The following SGMS1 variants were observed in gnomAD, a reference collection of about 807,000 sequenced individuals.
SGMS1 encodes the protein phosphatidylcholine:ceramide cholinephosphotransferase 1.
Under a neutral mutation model 46.2 loss-of-function variants are expected in SGMS1, and 13 were observed. The observed-to-expected ratio is 0.28, with a 90% CI of 0.18 to 0.45. SGMS1 has a LOEUF of 0.45. Among genes scored for constraint, SGMS1 ranks in the 20% least tolerant of loss-of-function variants. The probability of loss-of-function intolerance (pLI) is 1.00; values close to 1 mark genes in which losing one functional copy is unlikely to be tolerated. For synonymous variants in SGMS1, 203 were observed against 187.8 expected, an observed-to-expected ratio of 1.08 and a Z score of -0.66; for missense variants, 324 against 519.9, an observed-to-expected ratio of 0.62 and a Z score of 3.66.
chr10:50,623,812 C>G lies in SGMS1; in HGVS notation c.-789G>C. 2 of 985,436 alleles carry G rather than the reference C, an allele frequency of 2.0e-6. No homozygotes were observed. Among genetic ancestry groups the G allele is most frequent in the Non-Finnish European group, 2.4e-6 (2 of 829,950 alleles). The allele number at this position is 985,436 out of a possible 1,614,324, so 61.0% of individuals were successfully genotyped here. On this transcript the variant is annotated 5_prime_UTR_variant, in exon 1 of 11. Transcript: ENST00000361781. ...CGGGGCTCCGCACCCCAATCGCGCT[C>G]TCCGACCGGCTCCCTAGGCGCGAGG...
intron 3 of SGMS1, among the ~76,000 whole-genome samples, chr10:50,469,706 C>G (rs1237162758): frequency 6.6e-6 from 1 of 152,098 alleles, no homozygotes; most frequent in Non-Finnish European, 1.5e-5. Context: ...GAATAAGGTA[C>G]TCTTCCCCTA....
intron 2 of SGMS1, among the ~76,000 whole-genome samples, chr10:50,583,785 A>G (rs1838456321): frequency 6.6e-6 from 1 of 152,192 alleles, no homozygotes. Context: ...TGTTCTATCA[A>G]CTAAATTTAC....
chr10:50,408,354 A>G (rs1023933084), intron 6 of SGMS1, among the ~76,000 whole-genome samples: 2 of 151,028 alleles, frequency 1.3e-5, no homozygotes, highest in African/African-American at 2.4e-5. Context: ...TGTAATCCCA[A>G]TACTCTGGGA....
intron 2 of SGMS1, among the ~76,000 whole-genome samples, chr10:50,520,815 A>G (rs1837851182): frequency 6.6e-6 from 1 of 152,232 alleles, no homozygotes; most frequent in African/African-American, 2.4e-5. Context: ...ACACAAAGGT[A>G]GTTAAGAAAC....
At chr10:50,417,794 C>T (rs1849195225) in intron 6 of SGMS1, among the ~76,000 whole-genome samples, 1 of 152,230 alleles carries the variant, frequency 6.6e-6, no homozygotes, top group Middle Eastern at 3.2e-3. Flanking sequence ...CCTTGGTTCT[C>T]ATGCCACGGC....
At chr10:50,346,004 T>A (rs1847906817) in intron 6 of SGMS1, among the ~76,000 whole-genome samples, 1 of 152,128 alleles carries the variant, frequency 6.6e-6, no homozygotes, top group Admixed American at 6.6e-5. Context: ...ACAAGAAAAG[T>A]TAAAAATAAA....
chr10:50,423,245 TG>T (rs1305519821), intron 6 of SGMS1, among the ~76,000 whole-genome samples: 3 of 152,264 alleles, frequency 2.0e-5, no homozygotes, highest in African/African-American at 7.2e-5. Flanking sequence ...TCTTTGCTTC[TG>T]GTGTTTTATC....
intron 5 of SGMS1, among the ~76,000 whole-genome samples, chr10:50,452,620 C>A (rs1344560813): frequency 6.6e-6 from 1 of 152,068 alleles, no homozygotes; most frequent in Non-Finnish European, 1.5e-5. Context: ...TAGAAAAGCA[C>A]CAAGGCCACA....
chr10:50,490,118 T>C (rs899888778), intron 3 of SGMS1, among the ~76,000 whole-genome samples: 1 of 152,256 alleles, frequency 6.6e-6, no homozygotes. Flanking sequence ...GCTTTTTGAC[T>C]TTAAGAAGGT....
intron 2 of SGMS1, among the ~76,000 whole-genome samples, chr10:50,560,835 T>C (rs1248935134): frequency 6.6e-6 from 1 of 152,150 alleles, no homozygotes; most frequent in Non-Finnish European, 1.5e-5. Flanking sequence ...TGCCAGACAC[T>C]GAGCAAAGTG....
At chr10:50,578,561 T>C (rs1338585582) in intron 2 of SGMS1, among the ~76,000 whole-genome samples, 1 of 152,198 alleles carries the variant, frequency 6.6e-6, no homozygotes, top group African/African-American at 2.4e-5. Context: ...GCTGCACAGT[T>C]AACAAGAAAG....
At chr10:50,474,993 T>C (rs1837407731) in intron 3 of SGMS1, among the ~76,000 whole-genome samples, 1 of 152,188 alleles carries the variant, frequency 6.6e-6, no homozygotes, top group East Asian at 1.9e-4. Flanking sequence ...ATTCAATGAA[T>C]AAAACTGCTC....
intron 5 of SGMS1, among the ~76,000 whole-genome samples, chr10:50,448,721 G>C (rs201765097): frequency 0.09 from 10,958 of 121,268 alleles, 1,082 homozygotes; most frequent in East Asian, 0.41. Context: ...TCCAGCCTGA[G>C]CAACAAGAGT....
intron 3 of SGMS1, among the ~76,000 whole-genome samples, chr10:50,515,255 C>T (rs1837791096): frequency 6.6e-6 from 1 of 152,162 alleles, no homozygotes; most frequent in African/African-American, 2.4e-5. Context: ...AGAGCCTGGT[C>T]ACTTGTCTTG....
At chr10:50,316,644 GT>G (rs1459285562) in intron 8 of SGMS1, among the ~76,000 whole-genome samples, 6 of 152,084 alleles carry the variant, frequency 3.9e-5, no homozygotes, top group Non-Finnish European at 7.4e-5. Context: ...AAATTATTTT[GT>G]TCTGTTCCCA....
chr10:50,442,367 T>G (rs1419031148), intron 5 of SGMS1, among the ~76,000 whole-genome samples: 1 of 151,888 alleles, frequency 6.6e-6, no homozygotes, highest in Non-Finnish European at 1.5e-5. Context: ...GGTCCCAGTG[T>G]GTGTTGTTCA....
intron 4 of SGMS1, among the ~76,000 whole-genome samples, chr10:50,465,012 C>T (rs1008097330): frequency 6.6e-6 from 1 of 152,192 alleles, no homozygotes; most frequent in African/African-American, 2.4e-5. Flanking sequence ...TAGGCATTCT[C>T]AGGCTTGGAT....
chr10:50,396,776 G>A (rs1848854618), intron 6 of SGMS1, among the ~76,000 whole-genome samples: 1 of 152,062 alleles, frequency 6.6e-6, no homozygotes, highest in African/African-American at 2.4e-5. Context: ...CCACCCACAA[G>A]TGGCATTATT....
intron 6 of SGMS1, among the ~76,000 whole-genome samples, chr10:50,350,521 C>T (rs1847990408): frequency 6.7e-6 from 1 of 149,664 alleles, no homozygotes; most frequent in Admixed American, 6.6e-5. Flanking sequence ...AGCAGCCCCT[C>T]CCATCACAGG....
Sources: gnomAD v4.1 joint callset for allele counts (sites outside exome capture counted in the v4.1 genomes callset) on GRCh38, gnomAD v4.1.1 for gene constraint, MANE v1.5 for transcripts, NCBI Gene and HGNC (gene_info 2026-07-23, HGNC 2026-07-21) for gene names.